The following PHF2 variants were observed in gnomAD, a reference collection of about 807,000 sequenced individuals.
The protein encoded by PHF2 is lysine-specific demethylase PHF2.
PHF2 carries 27 observed loss-of-function variants against 120.5 expected under a neutral mutation model. The observed-to-expected ratio is 0.22, with a 90% CI of 0.17 to 0.31. The LOEUF (loss-of-function observed/expected upper bound fraction) is 0.31, where lower values mean the gene tolerates loss of function less well. Among genes scored for constraint, PHF2 ranks in the 10% least tolerant of loss-of-function variants. The pLI is 1.00. For synonymous variants in PHF2, 568 were observed against 592.5 expected, an observed-to-expected ratio of 0.96 and a Z score of 0.60; for missense variants, 1,024 against 1,434.8, an observed-to-expected ratio of 0.71 and a Z score of 4.63.
chr9:93,673,647 T>G lies in PHF2; in HGVS notation c.2411T>G (p.Leu804Arg), dbSNP rs1826850225. Residue 804 changes from leucine (L) to arginine (R), a missense_variant, in exon 18 of 22, where the codon CTG becomes CGG. This residue lies in a region of PHF2 where 677 missense variants were observed against 857.4 expected (regional missense o/e 0.79). Coordinates refer to ENST00000359246, the MANE Select transcript of PHF2 (RefSeq NM_005392.4). The part of the protein sequence containing the change: ...AIQGMLSMAN[L>R]QASDSCLQTT... ...CAGGGAATGCTGTCCATGGCCAACCTGCAGGCCTCCGACTCCTGCCTGCAG... is the reference window on the plus strand; with the variant it reads ...CAGGGAATGCTGTCCATGGCCAACCGGCAGGCCTCCGACTCCTGCCTGCAG... 1 of 1,609,084 alleles carries G rather than the reference T, an allele frequency of 6.2e-7. No individual in the cohort carries two copies. Among genetic ancestry groups the G allele is most frequent in the Non-Finnish European group, 8.5e-7 (1 of 1,176,978 alleles).
At position 93,649,060 on chromosome 9, in the gene PHF2, C is replaced by T. The variant is rs1224985935; in HGVS notation, c.461-11C>T. Reference sequence around the variant, plus strand: ...CCCAGGGTGCTCAAGCTCCTCCCACCACCTCCCTAGGGCCGGAACGGAGTG... The same window carrying T: ...CCCAGGGTGCTCAAGCTCCTCCCACTACCTCCCTAGGGCCGGAACGGAGTG... On this transcript the variant is annotated splice_polypyrimidine_tract_variant and intron_variant, in intron 4 of 21. Transcript: ENST00000359246. 1 of 1,550,996 alleles carries T rather than the reference C, an allele frequency of 6.4e-7. No individual in the cohort carries two copies. Among genetic ancestry groups the T allele is most frequent in the South Asian group, 1.2e-5 (1 of 84,020 alleles).
chr9:93,663,711 C>A, intron 14 of PHF2, 76 bp downstream of exon 14: 1 of 792,020 alleles, frequency 1.3e-6, no homozygotes, highest in Non-Finnish European at 2.2e-6. Flanking sequence ...CTGCATCACA[C>A]CCACTGCCTT....
chr9:93,625,801 T>G (rs1048065851), intron 1 of PHF2, among the ~76,000 whole-genome samples: 1 of 152,122 alleles, frequency 6.6e-6, no homozygotes, highest in Admixed American at 6.5e-5. Context: ...CTTTTGGGTA[T>G]GTATCTGTCA....
At chr9:93,612,012 G>C (rs1157293662) in intron 1 of PHF2, among the ~76,000 whole-genome samples, 2 of 152,208 alleles carry the variant, frequency 1.3e-5, no homozygotes, top group Non-Finnish European at 2.9e-5. Flanking sequence ...TCTGATTACA[G>C]AGGGGCATAT....
chr9:93,636,657 G>C, intron 3 of PHF2, 132 bp downstream of exon 3: 1 of 717,940 alleles, frequency 1.4e-6, no homozygotes, highest in Admixed American at 2.5e-5. Flanking sequence ...CAGGAAGCCT[G>C]TCTCCTGGAG....
chr9:93,615,606 G>A (rs1465427263), intron 1 of PHF2, among the ~76,000 whole-genome samples: 2 of 150,980 alleles, frequency 1.3e-5, no homozygotes, highest in Non-Finnish European at 2.9e-5. Flanking sequence ...CACAATTGTT[G>A]GTGGCAATCA....
intron 1 of PHF2, among the ~76,000 whole-genome samples, chr9:93,624,672 G>A (rs1215594644): frequency 7.6e-4 from 86 of 113,552 alleles, no homozygotes; most frequent in African/African-American, 3.0e-3. Flanking sequence ...GGTGGTGATG[G>A]TGATGATGAT....
At chr9:93,662,654 G>A (rs1243969579) in intron 12 of PHF2, among the ~76,000 whole-genome samples, 1 of 151,994 alleles carries the variant, frequency 6.6e-6, no homozygotes, top group Non-Finnish European at 1.5e-5. Flanking sequence ...TGAACGGGAT[G>A]AATGAATGGA....
intron 1 of PHF2, among the ~76,000 whole-genome samples, chr9:93,614,615 G>A (rs1311847354): frequency 6.6e-6 from 1 of 152,212 alleles, no homozygotes; most frequent in Non-Finnish European, 1.5e-5. Context: ...CAGTCCTGGA[G>A]GAATGGACAT....
chr9:93,580,163 C>T (rs575758114), intron 1 of PHF2, among the ~76,000 whole-genome samples: 3 of 152,282 alleles, frequency 2.0e-5, no homozygotes, highest in South Asian at 2.1e-4. Flanking sequence ...CCATCTTGAC[C>T]GTGGCTCATC....
intron 7 of PHF2, 60 bp from the exon 8 acceptor site, chr9:93,655,874 C>A: frequency 7.8e-7 from 1 of 1,280,184 alleles, no homozygotes; most frequent in Non-Finnish European, 1.1e-6. Flanking sequence ...GATCTAGAGC[C>A]ATGAGAAGCC....
At chr9:93,597,534 G>T (rs1196319232) in intron 1 of PHF2, among the ~76,000 whole-genome samples, 2 of 152,102 alleles carry the variant, frequency 1.3e-5, no homozygotes, top group East Asian at 1.9e-4. Flanking sequence ...GGCAGGAAGC[G>T]GGGTTGGGGG....
At position 93,676,950 on chromosome 9, in the gene PHF2, C is replaced by T; in HGVS notation, c.3189C>T (p.Asn1063=). The change falls in exon 21 of 22, where the codon AAC becomes AAT. Residue 1063 remains asparagine (N), a synonymous_variant. Coordinates refer to ENST00000359246, the MANE Select transcript of PHF2 (RefSeq NM_005392.4). ...CCTCCGCATCGTCTCCAAACAACAA[C>T]ACCGCTGCCAAAGGTACTGTGCCTG... The part of the protein sequence containing the change: ...RRPSASSPNN[N]TAAKGKRTKK... 1 of 1,556,408 alleles carries T rather than the reference C, an allele frequency of 6.4e-7. No homozygotes were observed. Among genetic ancestry groups the T allele is most frequent in the Non-Finnish European group, 8.7e-7 (1 of 1,147,338 alleles).
At chr9:93,614,079 G>A (rs1187811651) in intron 1 of PHF2, among the ~76,000 whole-genome samples, 2 of 152,218 alleles carry the variant, frequency 1.3e-5, no homozygotes, top group East Asian at 1.9e-4. Flanking sequence ...GGCTGCCAAC[G>A]GGAGAGGCAC....
At chr9:93,629,940 T>C in intron 1 of PHF2, 30 bp from the exon 2 acceptor site, 1 of 1,608,166 alleles carries the variant, frequency 6.2e-7, no homozygotes. Flanking sequence ...GCTGAATGCC[T>C]AGGTAATGGT....
chr9:93,582,853 A>G (rs942247566), intron 1 of PHF2, among the ~76,000 whole-genome samples: 39 of 152,216 alleles, frequency 2.6e-4, no homozygotes, highest in Admixed American at 2.2e-3. Context: ...TATTGAAAAT[A>G]TTTAGCTAGA....
rs752352811 is a variant in PHF2 at position 93,633,278 on chromosome 9, G to T, written c.185-3133G>T. Among the ~76,000 whole-genome samples the T allele has an allele frequency of 9.9e-5, 15 of 152,192 alleles. No individual in the cohort carries two copies. The East Asian group carries it at 1.5e-3, about 16-fold the overall frequency. On this transcript the variant is annotated intron_variant, in intron 2 of 21. Coordinates refer to ENST00000359246, the MANE Select transcript of PHF2 (RefSeq NM_005392.4). ...ATTTTGGCCATGGCCTGTGGGCAGGGGCCATAGGCCCACAGGTTTACCTGA... is the reference window on the plus strand; with the variant it reads ...ATTTTGGCCATGGCCTGTGGGCAGGTGCCATAGGCCCACAGGTTTACCTGA...
intron 1 of PHF2, among the ~76,000 whole-genome samples, chr9:93,627,846 A>G (rs142872169): frequency 2.5e-4 from 38 of 152,286 alleles, no homozygotes; most frequent in African/African-American, 9.1e-4. Context: ...AGATGGGAAC[A>G]TAAGAATGAG....
intron 4 of PHF2, among the ~76,000 whole-genome samples, 164 bp downstream of exon 4, chr9:93,645,953 A>C (rs1449261436): frequency 2.0e-5 from 3 of 152,140 alleles, no homozygotes; most frequent in Non-Finnish European, 4.4e-5. Flanking sequence ...CTTAGTTCAG[A>C]CCCTGCGTCC....
Sources: gnomAD v4.1 joint callset for allele counts (sites outside exome capture counted in the v4.1 genomes callset) on GRCh38, gnomAD v4.1.1 for gene constraint, gnomAD v4.1.1 regional missense constraint, MANE v1.5 for transcripts, NCBI Gene and HGNC (gene_info 2026-07-23, HGNC 2026-07-21) for gene names.